The following TPRG1 variants were observed in gnomAD, a reference collection of about 807,000 sequenced individuals.
TPRG1 encodes the protein tumor protein p63 regulated 1.
Under a neutral mutation model 29.3 loss-of-function variants are expected in TPRG1, and 29 were observed. The observed-to-expected ratio is 0.99, with a 90% confidence interval of 0.74 to 1.35. TPRG1 has a LOEUF of 1.35. Among genes scored for constraint, TPRG1 ranks in the 40% most tolerant of loss-of-function variants. TPRG1 has a pLI of 0.00. For synonymous variants in TPRG1, 130 were observed against 116.8 expected (o/e 1.11, Z -0.73); for missense variants, 327 against 335.0 (o/e 0.98, Z 0.19).
chr3:189,245,487 C>T (rs531797874), intron 4 of TPRG1, among the ~76,000 whole-genome samples: 21 of 152,130 alleles, frequency 1.4e-4, no homozygotes, highest in African/African-American at 5.1e-4. Context: ...GTTGTATTGG[C>T]TAATTTCCAA....
chr3:189,147,578 G>A (rs1027845878), intron 3 of TPRG1: 49 of 152,284 alleles, frequency 3.2e-4, no homozygotes, highest in African/African-American at 1.0e-3. Flanking sequence ...TTTTCCTTTC[G>A]ACTAGGATGT....
intron 4 of TPRG1, among the ~76,000 whole-genome samples, chr3:189,288,226 A>G (rs1450368672): frequency 6.6e-6 from 1 of 152,184 alleles, no homozygotes; most frequent in African/African-American, 2.4e-5. Flanking sequence ...TTTTTAAAAA[A>G]TGAATAACAT....
At chr3:189,297,277 G>A (rs766201087) in intron 4 of TPRG1, among the ~76,000 whole-genome samples, 8 of 151,886 alleles carry the variant, frequency 5.3e-5, no homozygotes, top group Non-Finnish European at 1.0e-4. Context: ...CACCATGCCC[G>A]GCCACTGATA....
intron 4 of TPRG1, among the ~76,000 whole-genome samples, chr3:189,287,459 A>C (rs985514240): frequency 6.7e-6 from 1 of 149,274 alleles, no homozygotes; most frequent in African/African-American, 2.5e-5. Context: ...GTGCAGTGGC[A>C]CGATCTCGGC....
At chr3:189,317,526 T>A (rs919988047) in intron 5 of TPRG1, among the ~76,000 whole-genome samples, 13 of 152,226 alleles carry the variant, frequency 8.5e-5, no homozygotes, top group Non-Finnish European at 1.8e-4. Flanking sequence ...CCTGATAAGT[T>A]TGATACTATT....
At chr3:189,025,774 TG>T (rs1713627553) in intron 4 of TPRG1, among the ~76,000 whole-genome samples, 1 of 152,240 alleles carries the variant, frequency 6.6e-6, no homozygotes, top group South Asian at 2.1e-4. Context: ...AAGAGAATGT[TG>T]TCTTTTGAGT....
chr3:189,043,621 G>A (rs1395848398), intron 4 of TPRG1, among the ~76,000 whole-genome samples: 1 of 152,108 alleles, frequency 6.6e-6, no homozygotes, highest in African/African-American at 2.4e-5. Flanking sequence ...TTTTTTGGGC[G>A]ACAACTCCCT....
chr3:189,084,005 G>C (rs1717772930), intron 4 of TPRG1, among the ~76,000 whole-genome samples: 1 of 152,238 alleles, frequency 6.6e-6, no homozygotes, highest in South Asian at 2.1e-4. Flanking sequence ...TGGTGAAACG[G>C]CTGGGCGTGG....
intron 4 of TPRG1, chr3:189,240,342 A>G (rs1043871200): frequency 6.6e-6 from 1 of 152,086 alleles, no homozygotes; most frequent in Non-Finnish European, 1.5e-5. Flanking sequence ...CCTTCCCTCC[A>G]TGGGTGATAG....
chr3:189,089,196 G>A (rs1359303852), intron 4 of TPRG1, among the ~76,000 whole-genome samples: 7 of 152,108 alleles, frequency 4.6e-5, no homozygotes, highest in Admixed American at 4.6e-4. Context: ...AAAAAACACT[G>A]TGGAATGTTT....
chr3:189,120,271 A>G (rs578020396), intron 1 of TPRG1: 4 of 152,336 alleles, frequency 2.6e-5, no homozygotes, highest in Non-Finnish European at 5.9e-5. Context: ...AAGTGACATG[A>G]TGACTAGAAC....
chr3:189,260,978 C>T (rs1419608303), intron 4 of TPRG1, among the ~76,000 whole-genome samples: 2 of 152,202 alleles, frequency 1.3e-5, no homozygotes, highest in African/African-American at 2.4e-5. Flanking sequence ...GTGAAACCGG[C>T]TCGTGGCCCG....
intron 4 of TPRG1, among the ~76,000 whole-genome samples, chr3:189,070,254 C>T (rs959791429): frequency 2.0e-5 from 3 of 151,858 alleles, no homozygotes; most frequent in African/African-American, 4.8e-5. Context: ...GCCAGGGAGT[C>T]GTGATGAAAG....
At chr3:189,145,284 C>T (rs1013343206) in intron 3 of TPRG1, among the ~76,000 whole-genome samples, 4 of 147,768 alleles carry the variant, frequency 2.7e-5, no homozygotes, top group African/African-American at 9.9e-5. Flanking sequence ...ATCATTTGAA[C>T]CCAGGAGGTG....
rs182262949 is a variant in TPRG1 at position 189,065,566 on chromosome 3, G to A, written c.-463+41620G>A. On this transcript the variant is annotated intron_variant, in intron 4 of 10. Transcript: ENST00000433971. The stretch of plus-strand genomic sequence containing the variant: ...CATGTCCAAAAGCTAAAAAAAAAAG[G>A]CAATGATGATATCAATTGATGCAGA... Among the ~76,000 whole-genome samples, 133 of 151,738 alleles carry A rather than the reference G, an allele frequency of 8.8e-4. 1 individual carries two copies. The highest frequency in any genetic ancestry group is 8.7e-3 in the Admixed American group (133 of 15,238).
intron 4 of TPRG1, among the ~76,000 whole-genome samples, chr3:189,050,869 A>G (rs1444019576): frequency 6.6e-6 from 1 of 152,206 alleles, no homozygotes; most frequent in African/African-American, 2.4e-5. Flanking sequence ...AAAAGCATTC[A>G]ACAAAATCCA....
chr3:189,265,637 T>C (rs1161650226), intron 4 of TPRG1, among the ~76,000 whole-genome samples: 1 of 152,146 alleles, frequency 6.6e-6, no homozygotes, highest in Non-Finnish European at 1.5e-5. Context: ...TCTGGCAAGT[T>C]AAAGGCTAGC....
chr3:189,099,284 C>T (rs1252476300), upstream of TPRG1, among the ~76,000 whole-genome samples: 1 of 152,142 alleles, frequency 6.6e-6, no homozygotes, highest in African/African-American at 2.4e-5. Context: ...GAAATATGCC[C>T]TGGAGGTTCT....
At chr3:189,075,545 G>T (rs1359836399) in intron 4 of TPRG1, among the ~76,000 whole-genome samples, 5 of 152,198 alleles carry the variant, frequency 3.3e-5, no homozygotes, top group Admixed American at 6.5e-5. Context: ...AATTATTTTT[G>T]TCTCTTTTTT....
Sources: gnomAD v4.1 joint callset for allele counts (sites outside exome capture counted in the v4.1 genomes callset) on GRCh38, gnomAD v4.1.1 for gene constraint, MANE v1.5 for transcripts, NCBI Gene and HGNC (gene_info 2026-07-23, HGNC 2026-07-21) for gene names.